PLD5: variants seen among roughly 807,000 people sequenced by gnomAD.
PLD5 encodes inactive phospholipase D5.
In PLD5, 36 loss-of-function variants were observed where a neutral mutation model predicts 61.1. That is an observed-to-expected ratio of 0.59 (90% CI 0.45 to 0.78). The LOEUF is 0.78. PLD5 is among the 30% of genes least tolerant of loss of function. PLD5 has a pLI of 0.00. For missense variants in PLD5, 515 were observed against 644.4 expected (o/e 0.80, Z 2.17); for synonymous variants, 243 against 242.8 (o/e 1.00, Z -0.01).
intron 3 of PLD5, among the ~76,000 whole-genome samples, chr1:242,281,540 C>CAT (rs397781419): frequency 6.6e-6 from 1 of 152,100 alleles, no homozygotes; most frequent in African/African-American, 2.4e-5. Context: ...CACACACACA[C>CAT]GTGCAAATAT....
intron 5 of PLD5, among the ~76,000 whole-genome samples, chr1:242,189,195 C>T (rs1409940237): frequency 2.0e-5 from 3 of 152,052 alleles, no homozygotes; most frequent in African/African-American, 7.2e-5. Flanking sequence ...GCCTGTAATC[C>T]CAGCACTTTG....
intron 1 of PLD5, among the ~76,000 whole-genome samples, chr1:242,414,046 G>C (rs1664695245): frequency 6.6e-6 from 1 of 152,152 alleles, no homozygotes; most frequent in African/African-American, 2.4e-5. Flanking sequence ...GTTGCAAGCA[G>C]AAGTGTCAAG....
chr1:242,341,533 T>C lies in PLD5; in HGVS notation c.326+6573A>G, dbSNP rs1368682532. On this transcript the variant is annotated intron_variant, in intron 2 of 9. Transcript: ENST00000536534. ...GCTTTTTAATAGAGAAACTTGAAAA[T>C]TTAGAAAGGATGTATAAAAAGTCTG... 2.1e-4 allele frequency among the ~76,000 whole-genome samples: 11 copies of C among 51,868 alleles called. No homozygotes were observed. In the East Asian group the frequency reaches 4.1e-3, roughly 19 times the overall value. 34.0% of individuals were successfully genotyped at this position (51,868 alleles called of 152,430 possible).
intron 2 of PLD5, among the ~76,000 whole-genome samples, chr1:242,343,376 C>T (rs2149215267): frequency 6.6e-6 from 1 of 152,286 alleles, no homozygotes; most frequent in East Asian, 1.9e-4. Context: ...AACTGAGCAT[C>T]ATGGGGTAGA....
At chr1:242,439,422 C>G (rs879424623) in intron 1 of PLD5, among the ~76,000 whole-genome samples, 3 of 152,086 alleles carry the variant, frequency 2.0e-5, no homozygotes, top group Non-Finnish European at 4.4e-5. Context: ...ATGGGTAGGC[C>G]TGGAAGGAGC....
chr1:242,256,911 C>T lies in PLD5; in HGVS notation c.607+8426G>A, dbSNP rs1468645324. 6.0e-5 allele frequency among the ~76,000 whole-genome samples: 2 copies of T among 33,272 alleles called. No homozygotes were observed. Among genetic ancestry groups the T allele is most frequent in the Non-Finnish European group, 9.7e-5 (2 of 20,620 alleles). The allele number at this position is 33,272 out of a possible 152,430, so 21.8% of individuals were successfully genotyped here. A position where few individuals can be genotyped will look rare whatever the true frequency, so the allele number is the denominator to read the frequency against. ...CTCTTCTTTCTCTTTCTTTTTTCAT[C>T]TATCTATCTATCTATCTATCTAATC... is the stretch of plus-strand genomic sequence containing the variant. On this transcript the variant is annotated intron_variant, in intron 4 of 9. Transcript: ENST00000536534. This position sits in a 1 kb window ranked among gnomAD's most constrained non-coding sequence, Gnocchi z 5.7.
At chr1:242,389,506 A>G (rs1662795939) in intron 1 of PLD5, among the ~76,000 whole-genome samples, 2 of 152,160 alleles carry the variant, frequency 1.3e-5, no homozygotes, top group African/African-American at 4.8e-5. Context: ...TAAAATCCCA[A>G]AAGAGTAATG....
intron 2 of PLD5, among the ~76,000 whole-genome samples, chr1:242,320,948 T>G (rs1286737680): frequency 6.6e-6 from 1 of 152,202 alleles, no homozygotes; most frequent in East Asian, 1.9e-4. Flanking sequence ...TTCCCTCTCA[T>G]CAGAGGTTCT....
intron 1 of PLD5, among the ~76,000 whole-genome samples, chr1:242,426,079 TC>T (rs1271731294): frequency 2.6e-5 from 4 of 152,154 alleles, no homozygotes; most frequent in Non-Finnish European, 5.9e-5. Flanking sequence ...TATTCTTTTT[TC>T]TATATTTTAA....
chr1:242,459,867 A>G (rs1334496785), intron 1 of PLD5, among the ~76,000 whole-genome samples: 2 of 152,158 alleles, frequency 1.3e-5, no homozygotes, highest in Non-Finnish European at 2.9e-5. Flanking sequence ...GCGCCTGTCC[A>G]TATGGATAAG....
intron 1 of PLD5, among the ~76,000 whole-genome samples, chr1:242,517,267 C>T (rs1669133368): frequency 6.6e-6 from 1 of 152,220 alleles, no homozygotes; most frequent in Non-Finnish European, 1.5e-5. Flanking sequence ...ATCTCTGTCT[C>T]ACTCACAATC....
chr1:242,153,315 A>G (rs1267135676), intron 5 of PLD5, among the ~76,000 whole-genome samples: 1 of 152,044 alleles, frequency 6.6e-6, no homozygotes, highest in Non-Finnish European at 1.5e-5. Context: ...GTTCACTCTG[A>G]TGATAGTTTC....
At chr1:242,157,314 G>A (rs886280907) in intron 5 of PLD5, among the ~76,000 whole-genome samples, 1 of 152,108 alleles carries the variant, frequency 6.6e-6, no homozygotes, top group East Asian at 1.9e-4. Context: ...CCTTTAGCTC[G>A]GAGAAGTTTG....
intron 5 of PLD5, among the ~76,000 whole-genome samples, chr1:242,144,158 C>T (rs1664379017): frequency 8.1e-6 from 1 of 122,890 alleles, no homozygotes; most frequent in Non-Finnish European, 1.8e-5. Context: ...TATGAGCCAC[C>T]ACACCCAGCC....
At chr1:242,377,395 A>T (rs1008728137) in intron 1 of PLD5, 2 of 1,340,146 alleles carry the variant, frequency 1.5e-6, no homozygotes, top group African/African-American at 2.9e-5. Context: ...GGTTCTTCTA[A>T]CTTCCGCTTG....
chr1:242,185,055 CG>C (rs1667783751), intron 5 of PLD5, among the ~76,000 whole-genome samples: 1 of 152,140 alleles, frequency 6.6e-6, no homozygotes, highest in South Asian at 2.1e-4. Flanking sequence ...AAAACAATGC[CG>C]GAAGACTTGA....
intron 1 of PLD5, among the ~76,000 whole-genome samples, chr1:242,486,865 G>T (rs1373494061): frequency 6.6e-6 from 1 of 151,940 alleles, no homozygotes; most frequent in Non-Finnish European, 1.5e-5. Flanking sequence ...TATACACCAT[G>T]GAATACTATG....
At chr1:242,097,964 T>C (rs1660379607) in intron 9 of PLD5, among the ~76,000 whole-genome samples, 1 of 152,246 alleles carries the variant, frequency 6.6e-6, no homozygotes, top group African/African-American at 2.4e-5. Flanking sequence ...TTTCTACATA[T>C]GGCTAGCCAG....
chr1:242,338,367 C>T (rs1659646474), intron 2 of PLD5, among the ~76,000 whole-genome samples: 1 of 152,048 alleles, frequency 6.6e-6, no homozygotes, highest in African/African-American at 2.4e-5. Flanking sequence ...GCAGCTGAAA[C>T]AGGTTGTCTG....
Sources: allele counts gnomAD v4.1 joint callset (sites outside exome capture counted in the v4.1 genomes callset), GRCh38; gene constraint gnomAD v4.1.1; non-coding constraint Gnocchi (gnomAD v3.1); transcripts MANE v1.5; gene names NCBI Gene and HGNC (gene_info 2026-07-23, HGNC 2026-07-21).